PRTG: variants seen among roughly 807,000 people sequenced by gnomAD.
The protein encoded by PRTG is immunoglobulin superfamily, DCC subclass, member 5.
PRTG carries 67 observed loss-of-function variants against 122.5 expected under a neutral mutation model. The observed-to-expected ratio is 0.55, with a 90% CI of 0.45 to 0.67. The LOEUF (loss-of-function observed/expected upper bound fraction) is 0.67. PRTG is among the 30% of genes least tolerant of loss of function. PRTG has a pLI of 0.00. For synonymous variants in PRTG, 554 were observed against 501.1 expected (o/e 1.11, Z -1.41); for missense variants, 1,435 against 1,415.4 (o/e 1.01, Z -0.22).
chr15:55,715,967 T>G (rs1168856700), intron 2 of PRTG, among the ~76,000 whole-genome samples: 7 of 152,222 alleles, frequency 4.6e-5, no homozygotes, highest in African/African-American at 1.7e-4. Context: ...CCAACACTTG[T>G]CTACATTAGC....
chr15:55,683,451 C>T (rs2059552574), intron 3 of PRTG, among the ~76,000 whole-genome samples: 1 of 152,108 alleles, frequency 6.6e-6, no homozygotes, highest in African/African-American at 2.4e-5. Context: ...CATGAAAGAC[C>T]CTTACACCAA....
intron 2 of PRTG, among the ~76,000 whole-genome samples, chr15:55,718,958 T>G (rs2141865294): frequency 6.6e-6 from 1 of 152,242 alleles, no homozygotes; most frequent in East Asian, 1.9e-4. Flanking sequence ...TTGCCCAGAC[T>G]GGTTTCAAAC....
intron 18 of PRTG, among the ~76,000 whole-genome samples, chr15:55,621,875 C>T (rs1025366924): frequency 2.0e-5 from 3 of 152,054 alleles, no homozygotes; most frequent in Non-Finnish European, 4.4e-5. Flanking sequence ...ATGATATTAA[C>T]AATTATTAAT....
At chr15:55,720,244 T>G (rs2141867194) in intron 2 of PRTG, among the ~76,000 whole-genome samples, 1 of 151,388 alleles carries the variant, frequency 6.6e-6, no homozygotes, top group East Asian at 2.0e-4. Context: ...GCCGGGCTAC[T>G]TGGGAGGCTG....
intron 2 of PRTG, 152 bp from the exon 3 acceptor site, chr15:55,684,083 T>C (rs2141819194): frequency 1.7e-6 from 1 of 585,450 alleles, no homozygotes; most frequent in Non-Finnish European, 2.7e-6. Flanking sequence ...TAGTGAATAA[T>C]TTTGGAGAAA....
intron 11 of PRTG, among the ~76,000 whole-genome samples, chr15:55,644,536 T>C (rs890296184): frequency 2.6e-5 from 4 of 152,184 alleles, no homozygotes; most frequent in African/African-American, 9.7e-5. Context: ...TTTCTGTTGG[T>C]CAGACAGAAA....
intron 11 of PRTG, among the ~76,000 whole-genome samples, chr15:55,664,839 A>G (rs1193092138): frequency 1.3e-5 from 2 of 151,680 alleles, no homozygotes; most frequent in Non-Finnish European, 2.9e-5. Context: ...CTCCTGCCTC[A>G]GCCTCTCTAA....
At chr15:55,742,678 C>G (rs2031650977) in intron 1 of PRTG, 160 bp downstream of exon 1, 1 of 842,958 alleles carries the variant, frequency 1.2e-6, no homozygotes. Flanking sequence ...GCTGGCGGTT[C>G]CGGACAGGCC....
intron 2 of PRTG, among the ~76,000 whole-genome samples, chr15:55,716,873 C>T (rs1281158136): frequency 2.6e-5 from 4 of 152,082 alleles, no homozygotes; most frequent in African/African-American, 9.7e-5. Flanking sequence ...GTGTACATAT[C>T]TTCACCAAGC....
chr15:55,654,253 T>C (rs1272915860), intron 11 of PRTG, among the ~76,000 whole-genome samples: 2 of 152,152 alleles, frequency 1.3e-5, no homozygotes, highest in African/African-American at 2.4e-5. Flanking sequence ...GATATCTCCT[T>C]TGGTTAGGGA....
intron 11 of PRTG, chr15:55,655,411 T>C (rs2059374227): frequency 1.3e-5 from 2 of 152,210 alleles, no homozygotes; most frequent in South Asian, 4.1e-4. Context: ...AAAGATTTTC[T>C]GATAAATAAA....
chr15:55,714,205 G>GTCTCTC (rs3049129), intron 2 of PRTG, among the ~76,000 whole-genome samples: 31,585 of 142,520 alleles, frequency 0.22, 4,086 homozygotes, highest in Middle Eastern at 0.37. Flanking sequence ...CTATTTATCT[G>GTCTCTC]TCTCTCTCTC....
chr15:55,701,118 T>C (rs570710599), intron 2 of PRTG, among the ~76,000 whole-genome samples: 1 of 152,320 alleles, frequency 6.6e-6, no homozygotes, highest in South Asian at 2.1e-4. Context: ...ACACTGCCAA[T>C]ACCAAGTTCT....
intron 11 of PRTG, among the ~76,000 whole-genome samples, chr15:55,662,276 T>G (rs752010201): frequency 3.9e-5 from 6 of 152,202 alleles, no homozygotes; most frequent in Non-Finnish European, 8.8e-5. Flanking sequence ...TAAAAGGTAT[T>G]TCTTCTCTCC....
chr15:55,730,551 A>G (rs1000727878), intron 2 of PRTG, among the ~76,000 whole-genome samples: 5 of 152,142 alleles, frequency 3.3e-5, no homozygotes, highest in Non-Finnish European at 5.9e-5. Flanking sequence ...CTGTAATCCC[A>G]GCACTTTGGG....
chr15:55,622,279 G>A (rs1187018358), intron 18 of PRTG, among the ~76,000 whole-genome samples: 1 of 145,524 alleles, frequency 6.9e-6, no homozygotes, highest in East Asian at 2.0e-4. Flanking sequence ...AGAATATGGC[G>A]CGATCTCGGC....
chr15:55,691,051 T>TA (rs1213663747), intron 2 of PRTG, among the ~76,000 whole-genome samples: 1 of 152,152 alleles, frequency 6.6e-6, no homozygotes, highest in African/African-American at 2.4e-5. Flanking sequence ...CTCACACCCG[T>TA]AATCCCTGCA....
Position 55,638,576 on chromosome 15 carries a change from C to T in PRTG, c.2425G>A (p.Val809Ile), listed in dbSNP as rs1311773484. 1.2e-6 allele frequency: 2 copies of T among 1,613,170 alleles called. No homozygotes were observed. Among genetic ancestry groups the T allele is most frequent in the East Asian group, 2.2e-5 (1 of 44,830 alleles). The change falls in exon 14 of 20, where the codon GTA becomes ATA. Residue 809 changes from valine to isoleucine, a missense_variant. Transcript: ENST00000389286. ...TCTGGAAGAGTAGAATGGTAGACTA[C>T]AGGGCTCCAAGGACTGGAAAGCTGA... ...VDQLSSPWSP[V>I]VYHSTLPEAP...
At chr15:55,667,230 T>C (rs1002281941) in intron 11 of PRTG, among the ~76,000 whole-genome samples, 7 of 151,552 alleles carry the variant, frequency 4.6e-5, no homozygotes, top group African/African-American at 1.5e-4. Context: ...AAACAGATAA[T>C]GCACTGTAAT....
Sources: allele counts gnomAD v4.1 joint callset (sites outside exome capture counted in the v4.1 genomes callset), GRCh38; gene constraint gnomAD v4.1.1; transcripts MANE v1.5; gene names NCBI Gene and HGNC (gene_info 2026-07-23, HGNC 2026-07-21).